Variants in AGAP1 observed in about 807,000 individuals in gnomAD.
AGAP1 encodes ArfGAP with GTPase domain, ankyrin repeat and PH domain 1, also known as arf-GAP with GTPase, ANK repeat and PH domain-containing protein 1.
AGAP1 carries 29 observed loss-of-function variants against 105.3 expected under a neutral mutation model. That is an observed-to-expected ratio of 0.28 (90% CI 0.21 to 0.38). The LOEUF is 0.38. Ranked by LOEUF, AGAP1 falls within the 10% of genes least tolerant of loss-of-function variation. AGAP1 has a pLI of 1.00. For synonymous variants in AGAP1, 509 were observed against 485.9 expected (o/e 1.05, Z -0.63); for missense variants, 998 against 1,165.1 (o/e 0.86, Z 2.09).
In AGAP1 at chr2:235,574,407, C is replaced by A. The variant is rs570152663; in HGVS notation, c.163+79558C>A. Among the ~76,000 whole-genome samples, 3 of 152,200 alleles carry A rather than the reference C, an allele frequency of 2.0e-5. No individual in the cohort carries two copies. Among genetic ancestry groups the A allele is most frequent in the African/African-American group, 7.2e-5 (3 of 41,444 alleles). ...TTTGCTAAATGCATAAACTGTATAA[C>A]GAAATGTAATTAGTGAAGGTGCATT... On this transcript the variant is annotated intron_variant, in intron 1 of 17. Coordinates refer to ENST00000304032, the MANE Select transcript of AGAP1 (RefSeq NM_001037131.3). This position sits in a 1 kb window ranked among gnomAD's most constrained non-coding sequence, Gnocchi z 5.0.
In AGAP1 at chr2:235,716,400, C is replaced by T. The variant is rs149372880; in HGVS notation, c.223-1157C>T. ...GCTAGTGGCTTTGAAATGGAAGTTG[C>T]GGGTGACCTAGTGGGCAGTTTCCTG... On this transcript the variant is annotated intron_variant, in intron 2 of 17. Transcript: ENST00000304032. This position sits in a 1 kb window ranked among gnomAD's most constrained non-coding sequence, Gnocchi z 4.0. 2.4e-3 allele frequency among the ~76,000 whole-genome samples: 366 copies of T among 152,120 alleles called. 4 individuals are homozygous for T. Among genetic ancestry groups the T allele is most frequent in the East Asian group, 0.02 (104 of 5,138 alleles).
At position 235,612,219 on chromosome 2, in the gene AGAP1, A is replaced by G. The variant is rs927038643; in HGVS notation, c.164-96960A>G. On this transcript the variant is annotated intron_variant, in intron 1 of 17. Transcript: ENST00000304032. The surrounding 1 kb of genome is among the most constrained non-coding windows in gnomAD (Gnocchi z 4.3). The stretch of plus-strand genomic sequence containing the variant: ...TTGGGTGTACGCTGGGCGGGTTCGC[A>G]GTGCTGGAAGAGAGAGTGGACAGAT... Among the ~76,000 whole-genome samples the G allele has an allele frequency of 1.4e-4, 22 of 152,162 alleles. No homozygotes were observed. The highest frequency in any genetic ancestry group is 5.9e-5 in the Non-Finnish European group (4 of 68,028).
Position 236,040,490 on chromosome 2 carries a change from C to T in AGAP1, c.1801-261C>T. ...GTATTCACAGATGATCCAGAACTCT[C>T]CTCTTTGCTCATTTCTGGCAGAGTC... On this transcript the variant is annotated intron_variant, in intron 14 of 17. Coordinates refer to ENST00000304032, the MANE Select transcript of AGAP1 (RefSeq NM_001037131.3). This position sits in a 1 kb window ranked among gnomAD's most constrained non-coding sequence, Gnocchi z 5.6. 1 of 523,526 alleles carries T rather than the reference C, an allele frequency of 1.9e-6. No homozygotes were observed. The highest frequency in any genetic ancestry group is 3.4e-6 in the Non-Finnish European group (1 of 290,918). 32.4% of individuals were successfully genotyped at this position (523,526 alleles called of 1,614,324 possible).
intron 11 of AGAP1, among the ~76,000 whole-genome samples, chr2:235,925,519 G>A (rs1343133163): frequency 6.6e-6 from 1 of 152,170 alleles, no homozygotes; most frequent in East Asian, 1.9e-4. Context: ...AATCCTCATG[G>A]CATTTCTGAA....
Position 235,970,928 on chromosome 2 carries a change from C to T in AGAP1, c.1645+2305C>T, listed in dbSNP as rs1274353911. ...GCTCTGTCCAAGCAGCAAATGGGGG[C>T]CCCTTTCCTTAAAGGGTCTTACTGC... is the stretch of plus-strand genomic sequence containing the variant. On this transcript the variant is annotated intron_variant, in intron 13 of 17. Transcript: ENST00000304032. The surrounding 1 kb of genome is among the most constrained non-coding windows in gnomAD (Gnocchi z 5.4). 6.6e-6 allele frequency among the ~76,000 whole-genome samples: 1 copy of T among 152,136 alleles called. No homozygotes were observed. Among genetic ancestry groups the T allele is most frequent in the Non-Finnish European group, 1.5e-5 (1 of 68,034 alleles).
In AGAP1 at chr2:235,623,717, A is replaced by C. The variant is rs1022243996; in HGVS notation, c.164-85462A>C. ...CTCCCCTCATTTTGGACATTTTCTC[A>C]GAATGAATGATACATCTCTGCTTTC... On this transcript the variant is annotated intron_variant, in intron 1 of 17. Coordinates refer to ENST00000304032, the MANE Select transcript of AGAP1 (RefSeq NM_001037131.3). This position sits in a 1 kb window ranked among gnomAD's most constrained non-coding sequence, Gnocchi z 4.5. 2.6e-5 allele frequency among the ~76,000 whole-genome samples: 4 copies of C among 152,196 alleles called. No individual in the cohort carries two copies. The highest frequency in any genetic ancestry group is 9.7e-5 in the African/African-American group (4 of 41,438).
rs999904829 is a variant in AGAP1, at chr2:235,623,952, G to C, written c.164-85227G>C. 1.3e-5 allele frequency among the ~76,000 whole-genome samples: 2 copies of C among 152,142 alleles called. No individual in the cohort carries two copies. Among genetic ancestry groups the C allele is most frequent in the African/African-American group, 4.8e-5 (2 of 41,432 alleles). On this transcript the variant is annotated intron_variant, in intron 1 of 17. Coordinates refer to ENST00000304032, the MANE Select transcript of AGAP1 (RefSeq NM_001037131.3). This position sits in a 1 kb window ranked among gnomAD's most constrained non-coding sequence, Gnocchi z 4.5. ...GTTGGATCCATTTGTGTTTCTGAGT[G>C]TGCTTGTAAGCAGTCTTAGGGGATC...
At chr2:235,652,784 C>G (rs1947638887) in intron 1 of AGAP1, among the ~76,000 whole-genome samples, 1 of 151,920 alleles carries the variant, frequency 6.6e-6, no homozygotes, top group African/African-American at 2.4e-5. Flanking sequence ...CCCAGCTACT[C>G]AGGAGGCTGA....
chr2:235,532,327 T>C (rs1241735304), intron 1 of AGAP1, among the ~76,000 whole-genome samples: 7 of 152,180 alleles, frequency 4.6e-5, no homozygotes. Context: ...AGTGATCCTC[T>C]CACCTCCACC....
In AGAP1 at chr2:235,717,492, A is replaced by ACT. The variant is rs1951175028; in HGVS notation, c.223-65_223-64insCT. 2.9e-6 allele frequency: 4 copies of ACT among 1,383,734 alleles called. No homozygotes were observed. The African/African-American group carries it at 4.4e-5, about 15-fold the overall frequency. The allele number at this position is 1,383,734 out of a possible 1,614,324, so 85.7% of individuals were successfully genotyped here. On this transcript the variant is annotated intron_variant, in intron 2 of 17. Transcript: ENST00000304032. ...GGCCTCCTGTCTATTTTAGCCTCTT[A>ACT]GTATTTGCAAAATGCCAAATAGAGT...
chr2:236,031,196 C>T (rs748303465), intron 13 of AGAP1, among the ~76,000 whole-genome samples: 7 of 151,992 alleles, frequency 4.6e-5, no homozygotes, highest in Non-Finnish European at 1.0e-4. Context: ...CTCTAAGCTT[C>T]GGAAGGAAAG....
chr2:235,569,314 C>CA lies in AGAP1; in HGVS notation c.163+74473dup, dbSNP rs956972498. Among the ~76,000 whole-genome samples, 9 of 151,726 alleles carry CA rather than the reference C, an allele frequency of 5.9e-5. No individual in the cohort carries two copies. The highest frequency in any genetic ancestry group is 2.0e-4 in the Admixed American group (3 of 15,246). Reference sequence around the variant, plus strand: ...TGGGCGACAGAGCGAGACACCATCTCAAAAAAAAGGATCTTGGAGGAAGTA... The same window carrying CA: ...TGGGCGACAGAGCGAGACACCATCTCAAAAAAAAAGGATCTTGGAGGAAGTA... On this transcript the variant is annotated intron_variant, in intron 1 of 17. Transcript: ENST00000304032. The surrounding 1 kb of genome is among the most constrained non-coding windows in gnomAD (Gnocchi z 5.9).
rs371132550 is a variant in AGAP1 at position 236,056,700 on chromosome 2, C to A, written c.2114+7419C>A. ...TGTCTTCTAGTGAACTTTTCTCTTT[C>A]TTCTTCTTAATGAAGAGGAGGGAGA... On this transcript the variant is annotated intron_variant, in intron 16 of 17. Transcript: ENST00000304032. The surrounding 1 kb of genome is among the most constrained non-coding windows in gnomAD (Gnocchi z 4.6). Among the ~76,000 whole-genome samples, 8 of 152,288 alleles carry A rather than the reference C, an allele frequency of 5.3e-5. 1 individual carries two copies. The highest frequency in any genetic ancestry group is 1.9e-4 in the African/African-American group (8 of 41,558).
chr2:235,762,668 G>T lies in AGAP1; in HGVS notation c.673+12180G>T, dbSNP rs1221002137. 1.4e-4 allele frequency among the ~76,000 whole-genome samples: 22 copies of T among 152,154 alleles called. 1 individual carries two copies. Among genetic ancestry groups the T allele is most frequent in the Non-Finnish European group, 8.8e-5 (6 of 68,030 alleles). On this transcript the variant is annotated intron_variant, in intron 6 of 17. Transcript: ENST00000304032. ...GGATCCCCTGAGGTCAGGAGTTCAA[G>T]ACCAGACCGGCCAACATGGCGAAAC...
At chr2:235,910,545 G>GA (rs2051555024) in intron 11 of AGAP1, among the ~76,000 whole-genome samples, 1 of 152,094 alleles carries the variant, frequency 6.6e-6, no homozygotes, top group African/African-American at 2.4e-5. Context: ...GCACAAGAAA[G>GA]AAAAAACAAT....
At chr2:235,684,105 G>C (rs1369652340) in intron 1 of AGAP1, among the ~76,000 whole-genome samples, 1 of 152,110 alleles carries the variant, frequency 6.6e-6, no homozygotes, top group African/African-American at 2.4e-5. Context: ...GCAGTCGCAC[G>C]ATCTCGGCTC....
intron 3 of AGAP1, among the ~76,000 whole-genome samples, chr2:235,731,966 G>A (rs756709855): frequency 7.2e-5 from 11 of 152,138 alleles, no homozygotes; most frequent in East Asian, 1.9e-4. Context: ...AGGGGCAGCC[G>A]TGGCCTCATC....
intron 13 of AGAP1, among the ~76,000 whole-genome samples, chr2:235,998,655 A>AGGT (rs1240014532): frequency 3.1e-4 from 47 of 151,820 alleles, no homozygotes; most frequent in African/African-American, 6.5e-4. Context: ...TGATGGTGAG[A>AGGT]GGTGGTGGTG....
rs923997469 is a variant in AGAP1 at position 235,732,634 on chromosome 2, G to A, written c.311-8329G>A. ...GCCTTCCCATTTTCCCTGCTGGGGA[G>A]CCTTTGCATAATGTCCCCAGCCCTG... On this transcript the variant is annotated intron_variant, in intron 3 of 17. Transcript: ENST00000304032. The surrounding 1 kb of genome is among the most constrained non-coding windows in gnomAD (Gnocchi z 4.8). Among the ~76,000 whole-genome samples the A allele has an allele frequency of 6.6e-6, 1 of 152,026 alleles. No homozygotes were observed.
Sources: allele counts gnomAD v4.1 joint callset (sites outside exome capture counted in the v4.1 genomes callset), GRCh38; gene constraint gnomAD v4.1.1; non-coding constraint Gnocchi (gnomAD v3.1); transcripts MANE v1.5; gene names NCBI Gene and HGNC (gene_info 2026-07-23, HGNC 2026-07-21).